Variants in C2orf92 observed in about 807,000 individuals in gnomAD.
The protein encoded by C2orf92 is uncharacterized protein C2orf92.
chr2:97,679,515 A>C (rs879663093), intron 3 of C2orf92, among the ~76,000 whole-genome samples: 1 of 152,196 alleles, frequency 6.6e-6, no homozygotes, highest in Non-Finnish European at 1.5e-5. Context: ...ACCAGTAAAT[A>C]ATAACTAAAA....
intron 3 of C2orf92, among the ~76,000 whole-genome samples, chr2:97,681,219 T>A (rs1282533844): frequency 3.5e-5 from 5 of 142,380 alleles, no homozygotes; most frequent in Non-Finnish European, 7.6e-5. Flanking sequence ...TCCAGAACAA[T>A]CCACCCAGCA....
intron 1 of C2orf92, chr2:97,674,144 G>T (rs1675501503): frequency 1.9e-5 from 4 of 214,798 alleles, no homozygotes; most frequent in East Asian, 9.3e-5. Context: ...TGATATCATT[G>T]GGGGCCTCCC....
chr2:97,667,216 T>G (rs1312962202), upstream of C2orf92, among the ~76,000 whole-genome samples: 1 of 151,482 alleles, frequency 6.6e-6, no homozygotes, highest in African/African-American at 2.4e-5. Flanking sequence ...TAGACTGTTA[T>G]ATGCATGAAT....
At chr2:97,690,377 C>G (rs1261322595) in intron 5 of C2orf92, 50 bp downstream of exon 5, 9 of 394,218 alleles carry the variant, frequency 2.3e-5, no homozygotes, top group East Asian at 2.2e-4. Context: ...AGTCATTGTT[C>G]TTTTTCCTCT....
chr2:97,687,052 C>T (rs904700113), intron 3 of C2orf92, among the ~76,000 whole-genome samples: 1 of 151,942 alleles, frequency 6.6e-6, no homozygotes, highest in African/African-American at 2.4e-5. Context: ...TTTGAATACC[C>T]TTAATTGTAC....
intron 3 of C2orf92, among the ~76,000 whole-genome samples, chr2:97,680,374 A>G (rs925904517): frequency 6.6e-6 from 1 of 152,248 alleles, no homozygotes; most frequent in African/African-American, 2.4e-5. Context: ...TAAATGGATT[A>G]AACTCTTAAT....
chr2:97,676,917 A>G (rs1013559972), intron 3 of C2orf92, among the ~76,000 whole-genome samples: 1 of 152,120 alleles, frequency 6.6e-6, no homozygotes, highest in African/African-American at 2.4e-5. Context: ...CTAATTTACT[A>G]TTTGAGAAAA....
chr2:97,682,151 T>C (rs1559300397), intron 3 of C2orf92, among the ~76,000 whole-genome samples: 1 of 152,130 alleles, frequency 6.6e-6, no homozygotes, highest in African/African-American at 2.4e-5. Context: ...TTTCTGGAAA[T>C]AGAAAGCATT....
chr2:97,694,719 G>A (rs974670290), intron 5 of C2orf92: 2 of 152,078 alleles, frequency 1.3e-5, no homozygotes, highest in African/African-American at 4.8e-5. Flanking sequence ...AATTCTTTGA[G>A]ACCCTGCTTT....
intron 3 of C2orf92, among the ~76,000 whole-genome samples, chr2:97,685,094 TAA>T (rs1002605851): frequency 2.0e-5 from 3 of 150,858 alleles, no homozygotes; most frequent in Non-Finnish European, 4.4e-5. Context: ...CACGCATGGC[TAA>T]GTTTTTGTAT....
intron 5 of C2orf92, among the ~76,000 whole-genome samples, chr2:97,692,649 A>G (rs552487916): frequency 6.6e-6 from 1 of 152,290 alleles, no homozygotes; most frequent in African/African-American, 2.4e-5. Flanking sequence ...ACCTCAGGTG[A>G]TCTGCCCGCC....
upstream of C2orf92, chr2:97,666,021 C>G (rs1445475448): frequency 6.6e-6 from 1 of 152,068 alleles, no homozygotes; most frequent in Admixed American, 6.6e-5. Context: ...CTCAAGCAGT[C>G]CACCCACTTT....
upstream of C2orf92, chr2:97,665,835 T>A (rs1675215272): frequency 1.3e-5 from 2 of 150,710 alleles, no homozygotes; most frequent in African/African-American, 4.9e-5. Context: ...TGGAGTGCAG[T>A]TGCCTGATAT....
At position 97,701,394 on chromosome 2, in the gene C2orf92, G is replaced by A. The variant is rs572486256; in HGVS notation, c.665+90G>A. On this transcript the variant is annotated intron_variant, in intron 7 of 7. Coordinates refer to ENST00000627399, the MANE Select transcript of C2orf92 (RefSeq NM_001351368.2). The stretch of plus-strand genomic sequence containing the variant: ...AGGGCTTCCTGCTGATCTGGTTTAC[G>A]AGGAGGGCAGAAGCTGCAAGCCTGG... The A allele has an allele frequency of 4.8e-5, 19 of 394,472 alleles. 1 individual carries two copies. Among genetic ancestry groups the A allele is most frequent in the East Asian group, 3.6e-4 (10 of 27,946 alleles). 24.4% of individuals were successfully genotyped at this position (394,472 alleles called of 1,614,324 possible).
At chr2:97,665,066 C>G (rs1675162449), upstream of C2orf92, among the ~76,000 whole-genome samples, 1 of 152,162 alleles carries the variant, frequency 6.6e-6, no homozygotes, top group East Asian at 1.9e-4. Context: ...TCCCATTTTT[C>G]AGTCAGGGTC....
At chr2:97,680,484 A>G (rs1675730838) in intron 3 of C2orf92, among the ~76,000 whole-genome samples, 1 of 152,226 alleles carries the variant, frequency 6.6e-6, no homozygotes, top group South Asian at 2.1e-4. Flanking sequence ...AAAGTAAAAG[A>G]ATGGAAAATG....
chr2:97,682,894 C>T (rs1223220617), intron 3 of C2orf92, among the ~76,000 whole-genome samples: 1 of 152,020 alleles, frequency 6.6e-6, no homozygotes. Flanking sequence ...AAGCTTTCCT[C>T]AAAGATCAGG....
chr2:97,669,903 G>T (rs148953868), intron 1 of C2orf92, 69 bp downstream of exon 1: 3 of 398,268 alleles, frequency 7.5e-6, no homozygotes, highest in African/African-American at 4.1e-5. Flanking sequence ...AGAGGAGGGC[G>T]TTCCCTCCCA....
At chr2:97,701,628 T>C (rs1010796397) in intron 7 of C2orf92, among the ~76,000 whole-genome samples, 1 of 152,126 alleles carries the variant, frequency 6.6e-6, no homozygotes, top group Non-Finnish European at 1.5e-5. Flanking sequence ...GGAATATGGA[T>C]TTACAAAAGA....
Sources: allele counts gnomAD v4.1 joint callset (sites outside exome capture counted in the v4.1 genomes callset), GRCh38; gene constraint gnomAD v4.1.1; transcripts MANE v1.5; gene names NCBI Gene and HGNC (gene_info 2026-07-23, HGNC 2026-07-21).